MICU1: variants seen among roughly 807,000 people sequenced by gnomAD.
The protein encoded by MICU1 is calcium uptake protein 1, mitochondrial.
Under a neutral mutation model 56.8 loss-of-function variants are expected in MICU1, and 45 were observed. That is an observed-to-expected ratio of 0.79 (90% CI 0.62 to 1.02). The LOEUF is 1.02. MICU1 is among the 50% of genes least tolerant of loss of function. MICU1 has a pLI of 0.00. For synonymous variants in MICU1, 186 were observed against 195.1 expected (o/e 0.95, Z 0.39); for missense variants, 504 against 587.1 (o/e 0.86, Z 1.46).
At chr10:72,482,163 T>C (rs910194365) in intron 6 of MICU1, among the ~76,000 whole-genome samples, 2 of 152,202 alleles carry the variant, frequency 1.3e-5, no homozygotes, top group African/African-American at 4.8e-5. Context: ...CACTGTTCTT[T>C]AATAGAAAAT....
chr10:72,451,361 G>T (rs1348076048), intron 8 of MICU1, among the ~76,000 whole-genome samples: 1 of 151,950 alleles, frequency 6.6e-6, no homozygotes, highest in East Asian at 1.9e-4. Context: ...CTCTTCTTGG[G>T]GTCCTAATAG....
At chr10:72,569,001 GC>G (rs939704610) in intron 1 of MICU1, among the ~76,000 whole-genome samples, 2 of 150,124 alleles carry the variant, frequency 1.3e-5, no homozygotes, top group African/African-American at 4.9e-5. Flanking sequence ...TGATCCATCC[GC>G]CTCGGCCTCC....
At chr10:72,533,680 G>C in intron 5 of MICU1, 66 bp downstream of exon 5, 1 of 1,197,194 alleles carries the variant, frequency 8.4e-7, no homozygotes, top group Non-Finnish European at 1.2e-6. Context: ...CATAACTATA[G>C]AGGAACTTAA....
intron 8 of MICU1, among the ~76,000 whole-genome samples, chr10:72,445,534 A>T (rs1006390755): frequency 6.6e-5 from 10 of 152,172 alleles, no homozygotes; most frequent in African/African-American, 2.4e-4. Flanking sequence ...CACTCACTAA[A>T]ATTCTAGCTT....
rs1435753592 is a variant in MICU1, at chr10:72,431,986, C to G, written c.934-8615G>C. Among the ~76,000 whole-genome samples, 3 of 151,826 alleles carry G rather than the reference C, an allele frequency of 2.0e-5. No individual in the cohort carries two copies. The East Asian group carries it at 5.8e-4, about 29-fold the overall frequency. On this transcript the variant is annotated intron_variant, in intron 8 of 11. Transcript: ENST00000361114. Reference sequence around the variant, plus strand: ...ATGTAGTGGTCATTTATATTTCTTCCTCTGTGAATTTTTTATGTTGTCTAT... The same window carrying G: ...ATGTAGTGGTCATTTATATTTCTTCGTCTGTGAATTTTTTATGTTGTCTAT...
chr10:72,524,103 CATA>C, intron 5 of MICU1: 1 of 612,488 alleles, frequency 1.6e-6, no homozygotes, highest in Non-Finnish European at 2.2e-6. Context: ...CAAGTAGGAA[CATA>C]ATATCCCAAA....
At chr10:72,416,342 T>C (rs1446021113) in intron 9 of MICU1, among the ~76,000 whole-genome samples, 1 of 152,226 alleles carries the variant, frequency 6.6e-6, no homozygotes, top group Non-Finnish European at 1.5e-5. Context: ...CTAGTCTTTT[T>C]AGTTTTATGG....
chr10:72,578,421 C>CTTTT (rs34573464), intron 1 of MICU1, among the ~76,000 whole-genome samples: 11 of 134,698 alleles, frequency 8.2e-5, no homozygotes, highest in South Asian at 2.4e-4. Context: ...CCATGCCTGG[C>CTTTT]TTTTTTTTTT....
At chr10:72,532,083 C>T (rs1468075236) in intron 5 of MICU1, among the ~76,000 whole-genome samples, 6 of 151,524 alleles carry the variant, frequency 4.0e-5, no homozygotes, top group South Asian at 2.1e-4. Flanking sequence ...TTTGGGAGGC[C>T]GAGGCAGGCA....
At chr10:72,504,794 T>C (rs1867188914) in intron 6 of MICU1, among the ~76,000 whole-genome samples, 1 of 151,694 alleles carries the variant, frequency 6.6e-6, no homozygotes, top group African/African-American at 2.4e-5. Context: ...AAAAAGCAAA[T>C]AACCTCATTA....
intron 1 of MICU1, among the ~76,000 whole-genome samples, chr10:72,621,096 T>A (rs148390553): frequency 6.6e-6 from 1 of 152,228 alleles, no homozygotes; most frequent in East Asian, 1.9e-4. Flanking sequence ...ACCACCAGAA[T>A]AAGGCATAAA....
intron 7 of MICU1, chr10:72,475,751 T>C (rs1866099196): frequency 3.6e-5 from 16 of 442,586 alleles, no homozygotes; most frequent in South Asian, 2.3e-4. Context: ...ATAGGTGCTA[T>C]TATTATCCTT....
At chr10:72,414,560 A>G (rs1423463299) in intron 9 of MICU1, among the ~76,000 whole-genome samples, 1 of 152,200 alleles carries the variant, frequency 6.6e-6, no homozygotes, top group Non-Finnish European at 1.5e-5. Flanking sequence ...AGCTAGCAGG[A>G]GGGATCTTTT....
chr10:72,611,095 G>A (rs1286006509), intron 1 of MICU1, among the ~76,000 whole-genome samples: 1 of 148,940 alleles, frequency 6.7e-6, no homozygotes, highest in African/African-American at 2.5e-5. Flanking sequence ...ACGAGGTCAG[G>A]CGATGGAGAC....
chr10:72,511,777 G>A (rs1488405939), intron 5 of MICU1, among the ~76,000 whole-genome samples: 1 of 152,154 alleles, frequency 6.6e-6, no homozygotes, highest in Non-Finnish European at 1.5e-5. Flanking sequence ...CACAATAAAT[G>A]CTGTGATAAT....
chr10:72,569,242 T>TTTTTTTTC, intron 1 of MICU1, among the ~76,000 whole-genome samples: 1 of 109,296 alleles, frequency 9.1e-6, no homozygotes, highest in Non-Finnish European at 1.9e-5. Flanking sequence ...TATATATTTT[T>TTTTTTTTC]TTTTTTTTTT....
intron 2 of MICU1, among the ~76,000 whole-genome samples, chr10:72,565,438 A>G (rs941791144): frequency 2.9e-5 from 4 of 138,900 alleles, no homozygotes; most frequent in Admixed American, 2.4e-4. Flanking sequence ...GAATTAAACA[A>G]TGAGAACACA....
At chr10:72,408,821 C>T (rs185700749) in intron 9 of MICU1, among the ~76,000 whole-genome samples, 105 of 152,272 alleles carry the variant, frequency 6.9e-4, no homozygotes, top group East Asian at 2.7e-3. Flanking sequence ...TACAGGGGAA[C>T]GGTGTCGGTA....
chr10:72,517,144 T>G (rs551475385), intron 5 of MICU1, among the ~76,000 whole-genome samples: 2 of 152,188 alleles, frequency 1.3e-5, no homozygotes, highest in Admixed American at 1.3e-4. Context: ...TACGTCAAAA[T>G]TTGGGAGGAA....
Sources: gnomAD v4.1 joint callset for allele counts (sites outside exome capture counted in the v4.1 genomes callset) on GRCh38, gnomAD v4.1.1 for gene constraint, MANE v1.5 for transcripts, NCBI Gene and HGNC (gene_info 2026-07-23, HGNC 2026-07-21) for gene names.